The following MPHOSPH6 variants were observed in gnomAD, a reference collection of about 807,000 sequenced individuals.
MPHOSPH6 encodes M-phase phosphoprotein 6.
In MPHOSPH6, 25 loss-of-function variants were observed where a neutral mutation model predicts 21.8. The ratio of observed to expected loss-of-function variants is 1.15; its 90% CI spans 0.83 to 1.60. The LOEUF (loss-of-function observed/expected upper bound fraction) is 1.60, where lower values mean the gene tolerates loss of function less well. Among genes scored for constraint, MPHOSPH6 ranks in the 40% most tolerant of loss-of-function variants. The pLI is 0.00. For synonymous variants in MPHOSPH6, 84 were observed against 56.5 expected (o/e 1.49, Z -2.18); for missense variants, 269 against 181.8 (o/e 1.48, Z -2.76).
chr16:82,151,523 G>A lies in MPHOSPH6; in HGVS notation c.165-9C>T, dbSNP rs772156992. 4 of 1,561,808 alleles carry A rather than the reference G, an allele frequency of 2.6e-6. No homozygotes were observed. The highest frequency in any genetic ancestry group is 2.8e-5 in the African/African-American group (2 of 72,468). ...CTTCTATTATGAAACTCCTAAATGG[G>A]AAAATAAAAATAGCATTTCTCCATA... On this transcript the variant is annotated splice_polypyrimidine_tract_variant and intron_variant, in intron 2 of 4. Coordinates refer to ENST00000258169, the MANE Select transcript of MPHOSPH6 (RefSeq NM_005792.2).
chr16:82,170,145 T>TG lies in MPHOSPH6; in HGVS notation c.30dup (p.Lys11GlnfsTer30). Reference sequence around the variant, plus strand: ...CGCACCTTCATGCGCAGTAGATTCTTGGACAACCTTGTCTTTCGCTCGGCC... The same window carrying TG: ...CGCACCTTCATGCGCAGTAGATTCTTGGGACAACCTTGTCTTTCGCTCGGCC... On this transcript the variant is annotated frameshift_variant, in exon 1 of 5. Transcript: ENST00000258169. LOFTEE classifies it high-confidence loss of function. 2.5e-6 allele frequency: 4 copies of TG among 1,595,932 alleles called. No individual in the cohort carries two copies. The highest frequency in any genetic ancestry group is 2.6e-6 in the Non-Finnish European group (3 of 1,171,262).
intron 2 of MPHOSPH6, among the ~76,000 whole-genome samples, chr16:82,153,772 G>C (rs1055718420): frequency 6.6e-6 from 1 of 152,208 alleles, no homozygotes; most frequent in African/African-American, 2.4e-5. Flanking sequence ...TTAGCTTCCT[G>C]TGGCTGCTGT....
intron 1 of MPHOSPH6, among the ~76,000 whole-genome samples, chr16:82,165,970 G>C (rs1256316744): frequency 6.6e-6 from 1 of 152,222 alleles, no homozygotes; most frequent in Non-Finnish European, 1.5e-5. Context: ...AAAGTAAATG[G>C]TACAGCCACT....
In MPHOSPH6 at chr16:82,168,471, TC is replaced by T. The variant is rs1247353136; in HGVS notation, c.51+1653del. On this transcript the variant is annotated intron_variant, in intron 1 of 4. Coordinates refer to ENST00000258169, the MANE Select transcript of MPHOSPH6 (RefSeq NM_005792.2). ...TTGCCCATATAATGTTTACTCTCTCTCTTTTTTTTTTTTTTTTGAGACAGGG... is the reference window on the plus strand; with the variant it reads ...TTGCCCATATAATGTTTACTCTCTCTTTTTTTTTTTTTTTTTGAGACAGGG... Among the ~76,000 whole-genome samples, 9 of 132,284 alleles carry T rather than the reference TC, an allele frequency of 6.8e-5. 1 individual carries two copies. The South Asian group carries it at 1.8e-3, about 26-fold the overall frequency. The allele number at this position is 132,284 out of a possible 152,430, so 86.8% of individuals were successfully genotyped here. A position where few individuals can be genotyped will look rare whatever the true frequency, so the allele number is the denominator to read the frequency against.
chr16:82,149,442 C>T (rs559502193), intron 3 of MPHOSPH6, 39 bp from the exon 4 acceptor site: 39 of 1,582,544 alleles, frequency 2.5e-5, no homozygotes, highest in South Asian at 1.9e-4. Flanking sequence ...GGCTAGAAAA[C>T]GCTTGTGAAA....
At chr16:82,165,228 A>G (rs1482905807) in intron 1 of MPHOSPH6, among the ~76,000 whole-genome samples, 2 of 147,538 alleles carry the variant, frequency 1.4e-5, no homozygotes, top group East Asian at 4.1e-4. Flanking sequence ...CCTAGGTTCA[A>G]GAGGTTCTCC....
At chr16:82,159,083 C>G (rs1022020041) in intron 2 of MPHOSPH6, among the ~76,000 whole-genome samples, 2 of 152,162 alleles carry the variant, frequency 1.3e-5, no homozygotes, top group Non-Finnish European at 2.9e-5. Flanking sequence ...TCTGAAAAGG[C>G]CATTGAGATA....
At chr16:82,166,102 G>A (rs955858644) in intron 1 of MPHOSPH6, among the ~76,000 whole-genome samples, 2 of 152,230 alleles carry the variant, frequency 1.3e-5, no homozygotes, top group African/African-American at 2.4e-5. Flanking sequence ...CACTGTCAAT[G>A]TCCTGGCTCT....
chr16:82,159,340 T>C (rs557271875), intron 2 of MPHOSPH6, among the ~76,000 whole-genome samples: 1 of 152,348 alleles, frequency 6.6e-6, no homozygotes, highest in African/African-American at 2.4e-5. Flanking sequence ...TAAATAATTT[T>C]TAAAATTTCT....
rs1347863537 is a variant in MPHOSPH6, at chr16:82,164,064, C to T, written c.164+18G>A. The T allele has an allele frequency of 6.5e-7, 1 of 1,535,408 alleles. No homozygotes were observed. The highest frequency in any genetic ancestry group is 9.0e-7 in the Non-Finnish European group (1 of 1,112,900). ...TGAATGCCACAAGCATCATCAGTAT[C>T]AATTTTAATAAACCTACTCTTTCTC... On this transcript the variant is annotated intron_variant, in intron 2 of 4. Transcript: ENST00000258169.
At chr16:82,160,584 C>G (rs893734030) in intron 2 of MPHOSPH6, among the ~76,000 whole-genome samples, 1 of 152,118 alleles carries the variant, frequency 6.6e-6, no homozygotes, top group East Asian at 1.9e-4. Flanking sequence ...CTCTTGGGGC[C>G]GAAGGCAAGT....
intron 2 of MPHOSPH6, among the ~76,000 whole-genome samples, chr16:82,161,481 T>C (rs376745145): frequency 5.3e-5 from 8 of 152,212 alleles, no homozygotes; most frequent in African/African-American, 1.9e-4. Flanking sequence ...ACTTGCACAC[T>C]CTTTCTGGAC....
Position 82,148,611 on chromosome 16 carries a change from T to G in MPHOSPH6, c.*120A>C. 8.1e-7 allele frequency: 1 copy of G among 1,229,102 alleles called. No homozygotes were observed. The highest frequency in any genetic ancestry group is 1.9e-5 in the South Asian group (1 of 51,752). The allele number at this position is 1,229,102 out of a possible 1,614,324, so 76.1% of individuals were successfully genotyped here. A position where few individuals can be genotyped will look rare whatever the true frequency, so the allele number is the denominator to read the frequency against. ...CAAAAACAGCATGTTTCTAAAATGA[T>G]AATCTCTTTACAAGTAAACGTTACA... On this transcript the variant is annotated 3_prime_UTR_variant, in exon 5 of 5. Transcript: ENST00000258169.
intron 1 of MPHOSPH6, among the ~76,000 whole-genome samples, chr16:82,169,185 A>G (rs1906889336): frequency 3.3e-5 from 5 of 152,172 alleles, no homozygotes; most frequent in Admixed American, 2.0e-4. Flanking sequence ...ATAAAGGAAA[A>G]TATCTTTAAT....
chr16:82,165,114 C>CTTT (rs1418457856), intron 1 of MPHOSPH6, among the ~76,000 whole-genome samples: 1,026 of 63,812 alleles, frequency 0.016, 250 homozygotes, highest in African/African-American at 0.052. Flanking sequence ...TCCGATATTT[C>CTTT]TTTTTTATTT....
chr16:82,165,686 C>T (rs915722761), intron 1 of MPHOSPH6, among the ~76,000 whole-genome samples: 1 of 35,146 alleles, frequency 2.8e-5, no homozygotes, highest in Non-Finnish European at 1.0e-4. Context: ...TGTGTTACAA[C>T]TGCCTACAGT....
intron 2 of MPHOSPH6, among the ~76,000 whole-genome samples, chr16:82,156,781 A>T (rs1906440853): frequency 6.6e-6 from 1 of 152,214 alleles, no homozygotes; most frequent in South Asian, 2.1e-4. Context: ...AGCGTAAAAA[A>T]ACAGGCTGGG....
chr16:82,158,667 A>C (rs1906511130), intron 2 of MPHOSPH6, among the ~76,000 whole-genome samples: 2 of 152,162 alleles, frequency 1.3e-5, no homozygotes, highest in Admixed American at 1.3e-4. Flanking sequence ...AAAATAAATA[A>C]AGTGAACCTG....
rs533281204 is a variant in MPHOSPH6 at position 82,159,508 on chromosome 16, G to C, written c.164+4574C>G. ...CAACCTCCGCCTCCTGGATTCCAGT[G>C]ATTCTCCTGCCTCAGCCTCCTGAGA... is the stretch of plus-strand genomic sequence containing the variant. On this transcript the variant is annotated intron_variant, in intron 2 of 4. Coordinates refer to ENST00000258169, the MANE Select transcript of MPHOSPH6 (RefSeq NM_005792.2). 2.6e-5 allele frequency among the ~76,000 whole-genome samples: 4 copies of C among 152,174 alleles called. No individual in the cohort carries two copies. The East Asian group carries it at 7.8e-4, about 30-fold the overall frequency.
Sources: gnomAD v4.1 joint callset for allele counts (sites outside exome capture counted in the v4.1 genomes callset) on GRCh38, gnomAD v4.1.1 for gene constraint, MANE v1.5 for transcripts, NCBI Gene and HGNC (gene_info 2026-07-23, HGNC 2026-07-21) for gene names.